IGSF3: variants seen among roughly 807,000 people sequenced by gnomAD.
IGSF3 encodes the protein immunoglobulin superfamily member 3.
Under a neutral mutation model 114.4 loss-of-function variants are expected in IGSF3, and 23 were observed. That is an observed-to-expected ratio of 0.20 (90% confidence interval 0.14 to 0.28). The LOEUF (loss-of-function observed/expected upper bound fraction) is 0.28, where lower values mean the gene tolerates loss of function less well. Among genes scored for constraint, IGSF3 ranks in the 10% least tolerant of loss-of-function variants. IGSF3 has a pLI of 1.00. For missense variants in IGSF3, 1,172 were observed against 1,591.5 expected (o/e 0.74, Z 4.48); for synonymous variants, 571 against 645.2 (o/e 0.88, Z 1.74).
intron 2 of IGSF3, among the ~76,000 whole-genome samples, chr1:116,643,403 G>A (rs940653482): frequency 6.6e-6 from 1 of 152,246 alleles, no homozygotes; most frequent in African/African-American, 2.4e-5. Flanking sequence ...CTCCTCAAGT[G>A]ACCTTCAGAG....
chr1:116,587,616 A>G (rs1659909615), intron 8 of IGSF3, among the ~76,000 whole-genome samples: 1 of 152,242 alleles, frequency 6.6e-6, no homozygotes, highest in Non-Finnish European at 1.5e-5. Context: ...CTTACAGAGT[A>G]GTACAGAAGA....
At chr1:116,619,358 T>C (rs1343171420) in intron 2 of IGSF3, among the ~76,000 whole-genome samples, 1 of 152,082 alleles carries the variant, frequency 6.6e-6, no homozygotes, top group Admixed American at 6.5e-5. Flanking sequence ...TGGTAAACAG[T>C]GTTAAGTGGC....
Position 116,584,358 on chromosome 1 carries a change from G to A in IGSF3, c.2848+287C>T, listed in dbSNP as rs1659723340. Reference sequence around the variant, plus strand: ...AAGATTTTTGTCATATCTGCCCTTTGTTCCAAATCTGGAAAAAGGAAATAT... The same window carrying A: ...AAGATTTTTGTCATATCTGCCCTTTATTCCAAATCTGGAAAAAGGAAATAT... On this transcript the variant is annotated intron_variant, in intron 9 of 10. Coordinates refer to ENST00000369486, the MANE Select transcript of IGSF3 (RefSeq NM_001007237.3). This position sits in a 1 kb window ranked among gnomAD's most constrained non-coding sequence, Gnocchi z 5.8. 6.6e-6 allele frequency among the ~76,000 whole-genome samples: 1 copy of A among 152,094 alleles called. No individual in the cohort carries two copies. The highest frequency in any genetic ancestry group is 2.4e-5 in the African/African-American group (1 of 41,392).
In IGSF3 at chr1:116,588,927, T is replaced by A; in HGVS notation, c.2207A>T (p.Asn736Ile). ...DGKLILKTTH[N>I]SAFEYGTYAE... ...GTAAGTACCGTATTCAAAGGCGGAG[T>A]TGTGGGTGGTCTTCAGGATAAGCTT... The change falls in exon 8 of 11, where the codon AAC becomes ATC. Residue 736 changes from asparagine to isoleucine, a missense_variant. Around this residue, in one of 3 missense-constraint regions of IGSF3, gnomAD observed 736 missense variants for 1,042.0 expected, o/e 0.71. Transcript: ENST00000369486. The surrounding 1 kb of genome is among the most constrained non-coding windows in gnomAD (Gnocchi z 4.9). 1 of 1,613,642 alleles carries A rather than the reference T, an allele frequency of 6.2e-7. No homozygotes were observed. Among genetic ancestry groups the A allele is most frequent in the Non-Finnish European group, 8.5e-7 (1 of 1,179,934 alleles).
In IGSF3 at chr1:116,666,911, T is replaced by C. The variant is rs912360925; in HGVS notation, c.-585A>G. Reference sequence around the variant, plus strand: ...GCCTGCCTAGGGCACACGAAGCAAGTTGGCGTTCGGCAGCCCTGAAGCGGT... The same window carrying C: ...GCCTGCCTAGGGCACACGAAGCAAGCTGGCGTTCGGCAGCCCTGAAGCGGT... On this transcript the variant is annotated 5_prime_UTR_variant, in exon 2 of 11. Transcript: ENST00000369486. 7.4e-6 allele frequency: 3 copies of C among 402,826 alleles called. No individual in the cohort carries two copies. The highest frequency in any genetic ancestry group is 4.1e-5 in the African/African-American group (2 of 48,664). The allele number at this position is 402,826 out of a possible 1,614,324, so 25.0% of individuals were successfully genotyped here. A position where few individuals can be genotyped will look rare whatever the true frequency, so the allele number is the denominator to read the frequency against.
At position 116,651,769 on chromosome 1, in the gene IGSF3, GT is replaced by G. The variant is rs1201702605; in HGVS notation, c.43+14514del. 6.6e-6 allele frequency among the ~76,000 whole-genome samples: 1 copy of G among 152,118 alleles called. No homozygotes were observed. The highest frequency in any genetic ancestry group is 6.5e-5 in the Admixed American group (1 of 15,268). On this transcript the variant is annotated intron_variant, in intron 2 of 10. Coordinates refer to ENST00000369486, the MANE Select transcript of IGSF3 (RefSeq NM_001007237.3). The surrounding 1 kb of genome is among the most constrained non-coding windows in gnomAD (Gnocchi z 4.4). Reference sequence around the variant, plus strand: ...GGACACCATGACAAACAACACAGAAGTAACCCCTATCTTAATGGAACTTAAA... The same window carrying G: ...GGACACCATGACAAACAACACAGAAGAACCCCTATCTTAATGGAACTTAAA...
Position 116,577,105 on chromosome 1 carries a change from C to T in IGSF3, c.*207G>A, listed in dbSNP as rs112239212. 1.7e-6 allele frequency: 1 copy of T among 580,348 alleles called. No homozygotes were observed. The highest frequency in any genetic ancestry group is 3.1e-6 in the Non-Finnish European group (1 of 327,338). 35.9% of individuals were successfully genotyped at this position (580,348 alleles called of 1,614,324 possible). A position where few individuals can be genotyped will look rare whatever the true frequency, so the allele number is the denominator to read the frequency against. On this transcript the variant is annotated 3_prime_UTR_variant, in exon 11 of 11. Transcript: ENST00000369486. This position sits in a 1 kb window ranked among gnomAD's most constrained non-coding sequence, Gnocchi z 5.7. ...GAAATCTATAATGGCAGGATCACAA[C>T]ATTTGCGCGCAAATAGCTAACCAAC...
intron 2 of IGSF3, among the ~76,000 whole-genome samples, chr1:116,623,480 G>T (rs922434428): frequency 6.6e-6 from 1 of 151,892 alleles, no homozygotes; most frequent in African/African-American, 2.4e-5. Flanking sequence ...GAGGTTAGGG[G>T]TTCGAGACCA....
Position 116,584,650 on chromosome 1 carries a change from C to A in IGSF3, c.2843G>T (p.Arg948Leu), listed in dbSNP as rs778007691. The A allele has an allele frequency of 6.2e-7, 1 of 1,614,164 alleles. No homozygotes were observed. Among genetic ancestry groups the A allele is most frequent in the East Asian group, 2.2e-5 (1 of 44,884 alleles). Reference sequence around the variant, plus strand: ...TTGGGGACGTGGACCCTCACCTGGTCGCATGACTGTCAGAGCTGTCTGCCC... The same window carrying A: ...TTGGGGACGTGGACCCTCACCTGGTAGCATGACTGTCAGAGCTGTCTGCCC... Reference protein sequence around the residue: ...TAGQTALTVMRPDASLQVDTV... With the variant: ...TAGQTALTVMLPDASLQVDTV... The change falls in exon 9 of 11, where the codon CGA (arginine) becomes CTA (leucine). Residue 948 changes from arginine to leucine, a missense_variant. Arg to Leu is a moderately radical substitution (Grantham distance 102). This residue lies in a region of IGSF3 where 423 missense variants were observed against 509.8 expected (regional missense o/e 0.83). Coordinates refer to ENST00000369486, the MANE Select transcript of IGSF3 (RefSeq NM_001007237.3). The surrounding 1 kb of genome is among the most constrained non-coding windows in gnomAD (Gnocchi z 5.8).
At chr1:116,597,947 C>A (rs180786452) in intron 7 of IGSF3, among the ~76,000 whole-genome samples, 17 of 152,268 alleles carry the variant, frequency 1.1e-4, no homozygotes, top group Admixed American at 8.5e-4. Flanking sequence ...AAAAAGAAAA[C>A]ATGAGTAAAG....
At position 116,595,818 on chromosome 1, in the gene IGSF3, A is replaced by C. The variant is rs1266202622; in HGVS notation, c.2029+4123T>G. The stretch of plus-strand genomic sequence containing the variant: ...GTGTTTTGAGCTAAAGAAAATCAGA[A>C]GGAAGCAAGGCAATTATGCTTCACA... On this transcript the variant is annotated intron_variant, in intron 7 of 10. Coordinates refer to ENST00000369486, the MANE Select transcript of IGSF3 (RefSeq NM_001007237.3). The surrounding 1 kb of genome is among the most constrained non-coding windows in gnomAD (Gnocchi z 4.2). 6.6e-6 allele frequency among the ~76,000 whole-genome samples: 1 copy of C among 152,246 alleles called. No individual in the cohort carries two copies. Among genetic ancestry groups the C allele is most frequent in the Non-Finnish European group, 1.5e-5 (1 of 68,036 alleles).
In IGSF3 at chr1:116,610,709, C is replaced by T. The variant is rs1309192221; in HGVS notation, c.833-2378G>A. ...CCACTCTCTCACCTGCTTCTCTGGT[C>T]ACCTCTTACTGCTGCTGTTCTCCCA... On this transcript the variant is annotated intron_variant, in intron 4 of 10. Coordinates refer to ENST00000369486, the MANE Select transcript of IGSF3 (RefSeq NM_001007237.3). This position sits in a 1 kb window ranked among gnomAD's most constrained non-coding sequence, Gnocchi z 4.3. 2.0e-5 allele frequency among the ~76,000 whole-genome samples: 3 copies of T among 152,168 alleles called. No individual in the cohort carries two copies. Among genetic ancestry groups the T allele is most frequent in the African/African-American group, 7.2e-5 (3 of 41,418 alleles).
intron 10 of IGSF3, among the ~76,000 whole-genome samples, chr1:116,578,965 C>T (rs1003241170): frequency 2.0e-5 from 3 of 152,184 alleles, no homozygotes; most frequent in Admixed American, 6.5e-5. Context: ...AACGCAGAAA[C>T]TGGACAAAAA....
rs1198010434 is a variant in IGSF3, at chr1:116,610,050, A to C, written c.833-1719T>G. ...CCTCCAATGAAGTAGCTGCTGTCAC[A>C]GCTTCTAGCTCCCAAGAGACCAGTC... is the stretch of plus-strand genomic sequence containing the variant. On this transcript the variant is annotated intron_variant, in intron 4 of 10. Transcript: ENST00000369486. The surrounding 1 kb of genome is among the most constrained non-coding windows in gnomAD (Gnocchi z 4.3). Among the ~76,000 whole-genome samples, 2 of 152,170 alleles carry C rather than the reference A, an allele frequency of 1.3e-5. No individual in the cohort carries two copies. Among genetic ancestry groups the C allele is most frequent in the Non-Finnish European group, 2.9e-5 (2 of 68,028 alleles).
At position 116,633,140 on chromosome 1, in the gene IGSF3, G is replaced by A. The variant is rs1647669770; in HGVS notation, c.44-16683C>T. 6.6e-6 allele frequency among the ~76,000 whole-genome samples: 1 copy of A among 152,196 alleles called. No individual in the cohort carries two copies. The highest frequency in any genetic ancestry group is 2.4e-5 in the African/African-American group (1 of 41,444). On this transcript the variant is annotated intron_variant, in intron 2 of 10. Coordinates refer to ENST00000369486, the MANE Select transcript of IGSF3 (RefSeq NM_001007237.3). The surrounding 1 kb of genome is among the most constrained non-coding windows in gnomAD (Gnocchi z 4.3). ...TTCAGCTGCCATCTGTCCCTTTGAA[G>A]GCCAGCTAAGAAGTTGGTCCCAGCC...
chr1:116,663,041 T>C (rs989371816), intron 2 of IGSF3, among the ~76,000 whole-genome samples: 1 of 152,224 alleles, frequency 6.6e-6, no homozygotes, highest in African/African-American at 2.4e-5. Context: ...ACACAAATGA[T>C]CATTTGCCAT....
chr1:116,586,722 A>T (rs1304286439), intron 8 of IGSF3, among the ~76,000 whole-genome samples: 2 of 152,194 alleles, frequency 1.3e-5, no homozygotes, highest in African/African-American at 4.8e-5. Flanking sequence ...AAATGAGGAA[A>T]GGAAAAAATG....
At position 116,662,123 on chromosome 1, in the gene IGSF3, T is replaced by G. The variant is rs1043952593; in HGVS notation, c.43+4161A>C. ...GTTTTGCTCATTGCCCAGGCTGGAG[T>G]GCAACGGCGCGATCTCGGCTCACTG... On this transcript the variant is annotated intron_variant, in intron 2 of 10. Coordinates refer to ENST00000369486, the MANE Select transcript of IGSF3 (RefSeq NM_001007237.3). The surrounding 1 kb of genome is among the most constrained non-coding windows in gnomAD (Gnocchi z 4.3). Among the ~76,000 whole-genome samples the G allele has an allele frequency of 1.3e-5, 2 of 151,358 alleles. No homozygotes were observed. Among genetic ancestry groups the G allele is most frequent in the Admixed American group, 1.3e-4 (2 of 15,152 alleles).
rs1050378625 is a variant in IGSF3 at position 116,655,597 on chromosome 1, T to C, written c.43+10687A>G. ...GTTAAAGTCTTAAATGCTGAGCCCG[T>C]AGCCAGCAACCTTAAAGGCTACTCG... On this transcript the variant is annotated intron_variant, in intron 2 of 10. Coordinates refer to ENST00000369486, the MANE Select transcript of IGSF3 (RefSeq NM_001007237.3). This position sits in a 1 kb window ranked among gnomAD's most constrained non-coding sequence, Gnocchi z 4.3. Among the ~76,000 whole-genome samples the C allele has an allele frequency of 1.8e-4, 28 of 152,312 alleles. No individual in the cohort carries two copies. The highest frequency in any genetic ancestry group is 4.6e-4 in the Admixed American group (7 of 15,308).
Sources: gnomAD v4.1 joint callset for allele counts (sites outside exome capture counted in the v4.1 genomes callset) on GRCh38, gnomAD v4.1.1 for gene constraint, gnomAD v4.1.1 regional missense constraint, Gnocchi (gnomAD v3.1) non-coding constraint, MANE v1.5 for transcripts, NCBI Gene and HGNC (gene_info 2026-07-23, HGNC 2026-07-21) for gene names.